Variants in DGKH observed in about 807,000 individuals in gnomAD.
The protein encoded by DGKH is DAG kinase eta.
A neutral mutation model predicts 159.3 loss-of-function variants in DGKH; 90 were observed. That is an observed-to-expected ratio of 0.57 (90% CI 0.48 to 0.67). The LOEUF is 0.67. Among genes scored for constraint, DGKH ranks in the 30% least tolerant of loss-of-function variants. DGKH has a pLI of 0.00. For synonymous variants in DGKH, 536 were observed against 553.8 expected (o/e 0.97, Z 0.45); for missense variants, 1,181 against 1,506.1 (o/e 0.78, Z 3.57).
chr13:42,080,898 A>T (rs1954187204), intron 1 of DGKH, among the ~76,000 whole-genome samples: 1 of 152,136 alleles, frequency 6.6e-6, no homozygotes, highest in African/African-American at 2.4e-5. Flanking sequence ...AATAGTTTAG[A>T]ACTATGAATC....
chr13:42,243,140 G>A (rs9315901), downstream of DGKH, among the ~76,000 whole-genome samples: 23,156 of 152,112 alleles, frequency 0.15, 2,354 homozygotes, highest in Non-Finnish European at 0.21. Context: ...CCGTAATACA[G>A]ATCCCTCATG....
intron 1 of DGKH, among the ~76,000 whole-genome samples, chr13:42,091,900 T>C (rs1330919859): frequency 1.3e-5 from 2 of 152,206 alleles, no homozygotes; most frequent in Non-Finnish European, 2.9e-5. Context: ...TTAGAATGGC[T>C]ATTATCAAAA....
At chr13:42,172,119 C>T (rs1956474472) in intron 11 of DGKH, among the ~76,000 whole-genome samples, 2 of 150,650 alleles carry the variant, frequency 1.3e-5, no homozygotes, top group Admixed American at 6.6e-5. Context: ...TGAGCCACCA[C>T]ACCCAGCCTC....
chr13:42,158,355 T>G (rs752734992), intron 5 of DGKH, among the ~76,000 whole-genome samples: 6 of 152,220 alleles, frequency 3.9e-5, no homozygotes, highest in Non-Finnish European at 1.5e-5. Flanking sequence ...CTCTCTACTT[T>G]TAACTGTTTA....
At chr13:42,045,313 TA>T (rs1265830907), upstream of DGKH, among the ~76,000 whole-genome samples, 1 of 151,934 alleles carries the variant, frequency 6.6e-6, no homozygotes, top group Non-Finnish European at 1.5e-5. Flanking sequence ...ACTTTGTCTC[TA>T]AAAAAAGAAA....
At chr13:42,179,143 T>C (rs555883306) in intron 13 of DGKH, among the ~76,000 whole-genome samples, 13 of 152,290 alleles carry the variant, frequency 8.5e-5, no homozygotes, top group Admixed American at 3.3e-4. Flanking sequence ...AGGAAAAGAA[T>C]TGAATGGCTT....
intron 17 of DGKH, among the ~76,000 whole-genome samples, chr13:42,195,253 C>A (rs1957177857): frequency 6.6e-6 from 1 of 152,130 alleles, no homozygotes; most frequent in African/African-American, 2.4e-5. Flanking sequence ...GTAATCGCAG[C>A]ACTTTGGGAA....
At position 42,189,060 on chromosome 13, in the gene DGKH, G is replaced by A. The variant is rs566176942; in HGVS notation, c.1663G>A (p.Glu555Lys). The part of the protein sequence containing the change: ...SKCSVLNEKL[E>K]QLLQALHTDS... ...GTGTTCAGTCCTAAACGAGAAGCTC[G>A]AACAACTGCTGCAGGCTTTGCACAC... The change falls in exon 15 of 30, where the codon GAA (glutamate) becomes AAA (lysine). Residue 555 changes from glutamate (E) to lysine (K), a missense_variant. Transcript: ENST00000337343. 50 of 1,614,126 alleles carry A rather than the reference G, an allele frequency of 3.1e-5. No individual in the cohort carries two copies. In the East Asian group the frequency reaches 9.8e-4, roughly 32 times the overall value.
Position 42,209,151 on chromosome 13 carries a change from A to G in DGKH, c.2715+79A>G, listed in dbSNP as rs1036551486. Reference sequence around the variant, plus strand: ...GGAATCTATTCTAAACAACTCGTACACTGGATATTCATCTATAATATTCTG... The same window carrying G: ...GGAATCTATTCTAAACAACTCGTACGCTGGATATTCATCTATAATATTCTG... On this transcript the variant is annotated intron_variant, in intron 22 of 29. Transcript: ENST00000337343. 9 of 1,397,270 alleles carry G rather than the reference A, an allele frequency of 6.4e-6. 1 individual carries two copies. In the Admixed American group the frequency reaches 1.7e-4, roughly 26 times the overall value. 86.6% of individuals were successfully genotyped at this position (1,397,270 alleles called of 1,614,324 possible).
intron 21 of DGKH, among the ~76,000 whole-genome samples, chr13:42,207,019 C>CTTTCTTTCTTTCTT (rs1957499255): frequency 1.4e-5 from 2 of 140,882 alleles, no homozygotes; most frequent in African/African-American, 5.4e-5. Context: ...TTCTTTCTTT[C>CTTTCTTTCTTTCTT]TTTCTTTTTC....
In DGKH at chr13:42,168,562, C is replaced by A. The variant is rs377184889; in HGVS notation, c.1227+14C>A. 405 of 1,613,524 alleles carry A rather than the reference C, an allele frequency of 2.5e-4. 1 individual carries two copies. Among genetic ancestry groups the A allele is most frequent in the Middle Eastern group, 3.3e-4 (2 of 6,084 alleles). On this transcript the variant is annotated intron_variant, in intron 10 of 29. Transcript: ENST00000337343. ...TTGAATAAACAGGCAAGTGCTAATT[C>A]TTTTACTTGCTAGTTAACATGAATG...
intron 1 of DGKH, among the ~76,000 whole-genome samples, chr13:42,085,554 A>C (rs991452315): frequency 1.3e-5 from 2 of 152,238 alleles, no homozygotes; most frequent in African/African-American, 4.8e-5. Context: ...GTTAAAAGAA[A>C]TGATTTAAGA....
At chr13:42,180,255 A>G (rs1327719651) in intron 13 of DGKH, among the ~76,000 whole-genome samples, 1 of 152,242 alleles carries the variant, frequency 6.6e-6, no homozygotes, top group African/African-American at 2.4e-5. Context: ...AAAGCCTGGG[A>G]CAAACTGGAG....
chr13:42,150,903 G>T (rs565969721), intron 3 of DGKH, among the ~76,000 whole-genome samples: 1 of 152,002 alleles, frequency 6.6e-6, no homozygotes, highest in Non-Finnish European at 1.5e-5. Context: ...GATGATCCTG[G>T]ATTATCTAGG....
rs1317943635 is a variant in DGKH, at chr13:42,241,951, G to T, written c.*12763G>T. 1 of 152,146 alleles carries T rather than the reference G, an allele frequency of 6.6e-6. No individual in the cohort carries two copies. The highest frequency in any genetic ancestry group is 1.5e-5 in the Non-Finnish European group (1 of 68,022). 9.4% of individuals were successfully genotyped at this position (152,146 alleles called of 1,614,324 possible). The stretch of plus-strand genomic sequence containing the variant: ...TGTCAGTAAGTGTGGAAAAAAACCC[G>T]ACTTGTATGTGTATTCACAGTTTGA... On this transcript the variant is annotated 3_prime_UTR_variant, in exon 30 of 30. Transcript: ENST00000337343.
At chr13:42,206,459 C>G (rs981752231) in intron 21 of DGKH, among the ~76,000 whole-genome samples, 7 of 152,156 alleles carry the variant, frequency 4.6e-5, no homozygotes, top group African/African-American at 1.7e-4. Flanking sequence ...GAAGATTTTA[C>G]TTTTTAATTT....
At chr13:42,093,102 G>A (rs1388514385) in intron 1 of DGKH, among the ~76,000 whole-genome samples, 1 of 151,954 alleles carries the variant, frequency 6.6e-6, no homozygotes, top group Non-Finnish European at 1.5e-5. Flanking sequence ...AAATTAGCCA[G>A]GCATGGTGGC....
chr13:42,206,105 G>T lies in DGKH; in HGVS notation c.2560G>T (p.Ala854Ser). 6.8e-7 allele frequency: 1 copy of T among 1,460,036 alleles called. No homozygotes were observed. The highest frequency in any genetic ancestry group is 9.1e-7 in the Non-Finnish European group (1 of 1,097,478). The allele number at this position is 1,460,036 out of a possible 1,614,324, so 90.4% of individuals were successfully genotyped here. A position where few individuals can be genotyped will look rare whatever the true frequency, so the allele number is the denominator to read the frequency against. ...GIAVLNIPSY[A>S]GGTNFWGGTK... ...AGCCGTGTTGAACATTCCCAGCTAT[G>T]CTGGAGGCACTAACTTTTGGGGTGG... The change falls in exon 21 of 30, where the codon GCT becomes TCT. Residue 854 changes from alanine to serine, a missense_variant. Ala to Ser is a moderately conservative substitution (Grantham distance 99). Coordinates refer to ENST00000337343, the MANE Select transcript of DGKH (RefSeq NM_178009.5).
chr13:42,068,280 T>C (rs1882725656), intron 1 of DGKH, among the ~76,000 whole-genome samples: 1 of 152,202 alleles, frequency 6.6e-6, no homozygotes, highest in South Asian at 2.1e-4. Flanking sequence ...ATAAATAAGA[T>C]GTGATGTATT....
Sources: allele counts gnomAD v4.1 joint callset (sites outside exome capture counted in the v4.1 genomes callset), GRCh38; gene constraint gnomAD v4.1.1; transcripts MANE v1.5; gene names NCBI Gene and HGNC (gene_info 2026-07-23, HGNC 2026-07-21).